The following SGCE variants were observed in gnomAD, a reference collection of about 807,000 sequenced individuals.
SGCE encodes the protein sarcoglycan epsilon, also known as epsilon-sarcoglycan.
A neutral mutation model predicts 57.8 loss-of-function variants in SGCE; 26 were observed. The observed-to-expected ratio is 0.45, with a 90% CI of 0.33 to 0.62. SGCE has a LOEUF of 0.62. Ranked by LOEUF, SGCE falls within the 20% of genes least tolerant of loss-of-function variation. The pLI is 0.02. For missense variants in SGCE, 468 were observed against 548.6 expected (o/e 0.85, Z 1.47); for synonymous variants, 183 against 189.5 (o/e 0.97, Z 0.28).
chr7:94,599,607 A>G, intron 8 of SGCE, 90 bp downstream of exon 8: 1 of 1,001,218 alleles, frequency 1.0e-6, no homozygotes, highest in African/African-American at 1.6e-5. Flanking sequence ...GACAAATGAA[A>G]AAAAGCTTGA....
At chr7:94,618,291 C>T (rs935360440) in intron 5 of SGCE, 1 of 163,160 alleles carries the variant, frequency 6.1e-6, no homozygotes, top group African/African-American at 2.4e-5. Context: ...CAAGGTCAGG[C>T]TTTAGGCCTT....
At chr7:94,651,818 T>C (rs1276189224) in intron 1 of SGCE, among the ~76,000 whole-genome samples, 4 of 152,166 alleles carry the variant, frequency 2.6e-5, no homozygotes, top group Non-Finnish European at 1.5e-5. Context: ...CCATGTGAAA[T>C]AGCATTTAAG....
At chr7:94,614,302 A>G (rs746814922) in intron 5 of SGCE, among the ~76,000 whole-genome samples, 4 of 151,936 alleles carry the variant, frequency 2.6e-5, no homozygotes, top group Non-Finnish European at 5.9e-5. Context: ...GTCCCCTAAA[A>G]TCCCAGCACC....
chr7:94,625,078 C>T lies in SGCE; in HGVS notation c.391-1681G>A, dbSNP rs188625647. 2.0e-5 allele frequency: 3 copies of T among 152,058 alleles called. No individual in the cohort carries two copies. The East Asian group carries it at 5.8e-4, about 29-fold the overall frequency. 9.4% of individuals were successfully genotyped at this position (152,058 alleles called of 1,614,324 possible). ...TATGATGATGTGAAGACCGTCAAAG[C>T]AGAAGAAAATGTGAGTGTCTACGTG... On this transcript the variant is annotated intron_variant, in intron 3 of 10. Coordinates refer to ENST00000648936, the MANE Select transcript of SGCE (RefSeq NM_003919.3).
chr7:94,629,686 T>C (rs754349249), intron 2 of SGCE, 33 bp downstream of exon 2: 8 of 1,608,502 alleles, frequency 5.0e-6, no homozygotes, highest in Non-Finnish European at 6.8e-6. Flanking sequence ...ATTTAGTACG[T>C]TAACTGCTTT....
intron 3 of SGCE, chr7:94,624,194 A>C (rs1042198123): frequency 8.8e-5 from 35 of 397,930 alleles, no homozygotes; most frequent in Middle Eastern, 6.2e-4. Context: ...TGATTGTGTC[A>C]AAATCTTAGA....
At chr7:94,622,732 A>C (rs1803008259) in intron 4 of SGCE, 1 of 152,114 alleles carries the variant, frequency 6.6e-6, no homozygotes, top group African/African-American at 2.4e-5. Context: ...CCTTATCCCT[A>C]ACCTTCAAAA....
At chr7:94,646,497 C>CT (rs911678538) in intron 1 of SGCE, among the ~76,000 whole-genome samples, 10 of 152,290 alleles carry the variant, frequency 6.6e-5, no homozygotes, top group African/African-American at 2.4e-4. Flanking sequence ...CCAGTGGAAA[C>CT]TTTAACAAAA....
intron 6 of SGCE, among the ~76,000 whole-genome samples, chr7:94,602,597 C>A (rs868583715): frequency 1.4e-4 from 21 of 149,568 alleles, no homozygotes; most frequent in African/African-American, 4.7e-4. Flanking sequence ...AAAAAAAAAA[C>A]AAAGAATTGA....
At chr7:94,595,490 G>A (rs888949353) in intron 9 of SGCE, among the ~76,000 whole-genome samples, 6 of 152,092 alleles carry the variant, frequency 3.9e-5, no homozygotes, top group Admixed American at 2.6e-4. Context: ...GTATGAATGT[G>A]AAGATGAAAT....
chr7:94,608,525 C>T (rs1343329642), intron 5 of SGCE, among the ~76,000 whole-genome samples: 1 of 152,106 alleles, frequency 6.6e-6, no homozygotes, highest in African/African-American at 2.4e-5. Context: ...TCAATGTAAT[C>T]TCAATCATAT....
At chr7:94,608,480 T>C (rs985998579) in intron 5 of SGCE, among the ~76,000 whole-genome samples, 1 of 152,238 alleles carries the variant, frequency 6.6e-6, no homozygotes, top group African/African-American at 2.4e-5. Context: ...CTAAATATTG[T>C]CCATATGCCA....
intron 1 of SGCE, among the ~76,000 whole-genome samples, chr7:94,640,441 AACT>A (rs1806222276): frequency 6.6e-6 from 1 of 152,110 alleles, no homozygotes; most frequent in South Asian, 2.1e-4. Context: ...TCACCATCCA[AACT>A]GCCAATCTGC....
At chr7:94,591,635 CTT>C (rs1031858339) in intron 9 of SGCE, among the ~76,000 whole-genome samples, 1 of 152,146 alleles carries the variant, frequency 6.6e-6, no homozygotes, top group Non-Finnish European at 1.5e-5. Context: ...CCCCACTTCT[CTT>C]GTTGGCCCTC....
rs948224419 is a variant in SGCE, at chr7:94,587,920, T to C, written c.1297+769A>G. 7 of 1,455,828 alleles carry C rather than the reference T, an allele frequency of 4.8e-6. No individual in the cohort carries two copies. In the African/African-American group the frequency reaches 1.0e-4, roughly 21 times the overall value. The allele number at this position is 1,455,828 out of a possible 1,614,324, so 90.2% of individuals were successfully genotyped here. A position where few individuals can be genotyped will look rare whatever the true frequency, so the allele number is the denominator to read the frequency against. ...TAAGAGACTTACTTAATAGTTTCCCTACCACAATGCCGCTATTCATACTCA... is the reference window on the plus strand; with the variant it reads ...TAAGAGACTTACTTAATAGTTTCCCCACCACAATGCCGCTATTCATACTCA... On this transcript the variant is annotated intron_variant, in intron 10 of 10. Coordinates refer to ENST00000648936, the MANE Select transcript of SGCE (RefSeq NM_003919.3).
At chr7:94,628,163 C>CACACAT (rs1562863596) in intron 3 of SGCE, 39 bp downstream of exon 3, 2 of 1,438,194 alleles carry the variant, frequency 1.4e-6, no homozygotes, top group Non-Finnish European at 1.9e-6. Context: ...CACACACACA[C>CACACAT]ATATATGTAT....
intron 10 of SGCE, chr7:94,588,392 G>T: frequency 8.5e-7 from 1 of 1,173,222 alleles, no homozygotes; most frequent in Non-Finnish European, 1.1e-6. Context: ...TTCATACCAA[G>T]GGGAAGAATA....
At chr7:94,609,487 G>A (rs1301773929) in intron 5 of SGCE, among the ~76,000 whole-genome samples, 1 of 152,190 alleles carries the variant, frequency 6.6e-6, no homozygotes, top group Non-Finnish European at 1.5e-5. Flanking sequence ...AGCCAAGATT[G>A]CACCACTGCA....
At chr7:94,633,604 C>T (rs1805068662) in intron 1 of SGCE, among the ~76,000 whole-genome samples, 6 of 151,956 alleles carry the variant, frequency 3.9e-5, no homozygotes. Flanking sequence ...AATCAAATAA[C>T]AGACCACGAA....
Sources: gnomAD v4.1 joint callset for allele counts (sites outside exome capture counted in the v4.1 genomes callset) on GRCh38, gnomAD v4.1.1 for gene constraint, MANE v1.5 for transcripts, NCBI Gene and HGNC (gene_info 2026-07-23, HGNC 2026-07-21) for gene names.